TDRD9: variants seen among roughly 807,000 people sequenced by gnomAD.
The protein encoded by TDRD9 is tudor domain containing 9, also known as ATP-dependent RNA helicase TDRD9.
A neutral mutation model predicts 172.6 loss-of-function variants in TDRD9; 124 were observed. The observed-to-expected ratio is 0.72, with a 90% confidence interval of 0.62 to 0.83. The LOEUF (loss-of-function observed/expected upper bound fraction) is 0.83, where lower values mean the gene tolerates loss of function less well. Ranked by LOEUF, TDRD9 falls within the 40% of genes least tolerant of loss-of-function variation. TDRD9 has a pLI of 0.00. For synonymous variants in TDRD9, 619 were observed against 617.1 expected (o/e 1.00, Z -0.05); for missense variants, 1,479 against 1,714.1 (o/e 0.86, Z 2.42).
At chr14:103,977,383 C>T (rs1376613276) in intron 7 of TDRD9, among the ~76,000 whole-genome samples, 1 of 149,554 alleles carries the variant, frequency 6.7e-6, no homozygotes, top group Non-Finnish European at 1.5e-5. Context: ...GTCCCAGCTA[C>T]TCGGGAAGCT....
Position 103,970,533 on chromosome 14 carries a change from T to A in TDRD9, c.766-8T>A, listed in dbSNP as rs1409372809. On this transcript the variant is annotated splice_region_variant and splice_polypyrimidine_tract_variant and intron_variant, in intron 5 of 35. Coordinates refer to ENST00000409874, the MANE Select transcript of TDRD9 (RefSeq NM_153046.3). ...CATGTGGGGGGTGCCCCCTTTTTTA[T>A]TTTGTAGGTACACGAACGAACAGAA... The A allele has an allele frequency of 6.4e-7, 1 of 1,551,050 alleles. No homozygotes were observed. The highest frequency in any genetic ancestry group is 1.2e-5 in the South Asian group (1 of 84,004).
intron 35 of TDRD9, among the ~76,000 whole-genome samples, chr14:104,051,647 C>A (rs528762318): frequency 6.6e-6 from 1 of 152,142 alleles, no homozygotes; most frequent in Non-Finnish European, 1.5e-5. Context: ...AATAGCTATT[C>A]TGACTGGTGT....
chr14:104,031,391 C>A, intron 29 of TDRD9, 128 bp downstream of exon 29: 4 of 715,728 alleles, frequency 5.6e-6, no homozygotes, highest in Admixed American at 3.3e-5. Context: ...ACTTTTCTCA[C>A]AATTGATCCT....
chr14:103,950,515 A>G (rs1300823367), intron 1 of TDRD9, among the ~76,000 whole-genome samples: 1 of 152,228 alleles, frequency 6.6e-6, no homozygotes, highest in African/African-American at 2.4e-5. Flanking sequence ...GAATTTAGAA[A>G]CTAATCTTCT....
chr14:103,946,349 G>T (rs2031557378), intron 1 of TDRD9, among the ~76,000 whole-genome samples: 1 of 152,172 alleles, frequency 6.6e-6, no homozygotes, highest in African/African-American at 2.4e-5. Context: ...GTACATTTCT[G>T]TGGAGTTGTT....
rs886160361 is a variant in TDRD9, at chr14:104,016,588, C to T, written c.2331+500C>T. Among the ~76,000 whole-genome samples the T allele has an allele frequency of 3.3e-5, 5 of 152,086 alleles. No individual in the cohort carries two copies. In the South Asian group the frequency reaches 8.3e-4, roughly 25 times the overall value. ...GCGAGATCTGAGCTAGAAAGTATGC[C>T]CTAGAAATCAGCATTCAAGTAGTGT... On this transcript the variant is annotated intron_variant, in intron 22 of 35. Coordinates refer to ENST00000409874, the MANE Select transcript of TDRD9 (RefSeq NM_153046.3).
chr14:104,034,340 G>A (rs529385946), intron 31 of TDRD9, among the ~76,000 whole-genome samples: 4,709 of 151,892 alleles, frequency 0.031, 104 homozygotes, highest in Non-Finnish European at 0.048. Context: ...ACAAGCACCT[G>A]CCACCATGCC....
intron 21 of TDRD9, 67 bp downstream of exon 21, chr14:104,014,908 A>T: frequency 1.1e-6 from 1 of 930,828 alleles, no homozygotes; most frequent in Admixed American, 2.0e-5. Flanking sequence ...TGTGGTCGAG[A>T]AACTGCTTAT....
At chr14:103,941,782 T>G in intron 1 of TDRD9, 1 of 1,147,538 alleles carries the variant, frequency 8.7e-7, no homozygotes, top group African/African-American at 1.6e-5. Flanking sequence ...TACAATAAAT[T>G]TGCCCGAAAA....
intron 4 of TDRD9, among the ~76,000 whole-genome samples, chr14:103,966,073 G>A (rs189987434): frequency 4.7e-4 from 72 of 152,304 alleles, no homozygotes; most frequent in Admixed American, 4.7e-3. Context: ...GCTCACGCCT[G>A]TAATCCCAGC....
In TDRD9 at chr14:104,049,097, GGTATGTAT is replaced by G. The variant is rs199759056; in HGVS notation, c.3975-492_3975-485del. ...CCAGAGCCTTCAAATGGTTGTTGTT[GGTATGTAT>G]GTATGTATGTATGTATGTGTGTGTG... On this transcript the variant is annotated intron_variant, in intron 34 of 35. Transcript: ENST00000409874. Among the ~76,000 whole-genome samples, 595 of 147,512 alleles carry G rather than the reference GGTATGTAT, an allele frequency of 4.0e-3. 3 individuals are homozygous for G. Among genetic ancestry groups the G allele is most frequent in the East Asian group, 0.011 (55 of 4,988 alleles).
intron 7 of TDRD9, among the ~76,000 whole-genome samples, chr14:103,984,471 C>T (rs1368735681): frequency 5.9e-5 from 9 of 152,210 alleles, no homozygotes; most frequent in Admixed American, 1.3e-4. Context: ...GAGCTCATGC[C>T]GTGTCTTCAG....
At chr14:103,992,935 A>AG (rs2033924661) in intron 9 of TDRD9, among the ~76,000 whole-genome samples, 2 of 151,236 alleles carry the variant, frequency 1.3e-5, no homozygotes. Flanking sequence ...AAAAAAAAAA[A>AG]AAAAAAAAAA....
chr14:103,979,607 C>A (rs141569569), intron 7 of TDRD9, among the ~76,000 whole-genome samples: 6 of 152,284 alleles, frequency 3.9e-5, no homozygotes, highest in African/African-American at 1.4e-4. Flanking sequence ...GGCATCCGCC[C>A]CCATGTCCCA....
At position 103,973,166 on chromosome 14, in the gene TDRD9, C is replaced by T. The variant is rs139737689; in HGVS notation, c.847-2223C>T. On this transcript the variant is annotated intron_variant, in intron 6 of 35. Transcript: ENST00000409874. ...TGTGTTCATGATTTATTAACAAATACGTGAAGCAGCATATTTTCTCGATAT... is the reference window on the plus strand; with the variant it reads ...TGTGTTCATGATTTATTAACAAATATGTGAAGCAGCATATTTTCTCGATAT... Among the ~76,000 whole-genome samples the T allele has an allele frequency of 4.0e-3, 611 of 152,160 alleles. 11 individuals carry two copies. The highest frequency in any genetic ancestry group is 0.032 in the Admixed American group (495 of 15,272).
At chr14:103,986,447 T>C in intron 8 of TDRD9, 127 bp downstream of exon 8, 1 of 655,550 alleles carries the variant, frequency 1.5e-6, no homozygotes, top group Non-Finnish European at 2.5e-6. Context: ...AGTTACTGTA[T>C]ATATTTTAAA....
At chr14:103,931,175 T>C (rs1457986775) in intron 1 of TDRD9, among the ~76,000 whole-genome samples, 1 of 151,766 alleles carries the variant, frequency 6.6e-6, no homozygotes, top group Non-Finnish European at 1.5e-5. Flanking sequence ...GGTTTGTGCC[T>C]GCCGCCCCAG....
chr14:103,931,091 C>A (rs1005269661), intron 1 of TDRD9, among the ~76,000 whole-genome samples: 5 of 151,708 alleles, frequency 3.3e-5, no homozygotes, highest in Non-Finnish European at 7.4e-5. Flanking sequence ...GTCAGGAGTT[C>A]CAAGACCAGC....
At chr14:103,960,836 A>G (rs1173486139) in intron 2 of TDRD9, among the ~76,000 whole-genome samples, 1 of 152,242 alleles carries the variant, frequency 6.6e-6, no homozygotes, top group Non-Finnish European at 1.5e-5. Context: ...TAATCAAGTA[A>G]TGTAAGCCAA....
Sources: gnomAD v4.1 joint callset for allele counts (sites outside exome capture counted in the v4.1 genomes callset) on GRCh38, gnomAD v4.1.1 for gene constraint, MANE v1.5 for transcripts, NCBI Gene and HGNC (gene_info 2026-07-23, HGNC 2026-07-21) for gene names.